Variants in LHFPL2 observed in about 807,000 individuals in gnomAD.
The protein encoded by LHFPL2 is LHFPL tetraspan subfamily member 2, also known as LHFPL tetraspan subfamily member 2 protein.
Under a neutral mutation model 17.5 loss-of-function variants are expected in LHFPL2, and 7 were observed. That is an observed-to-expected ratio of 0.40 (90% CI 0.23 to 0.75). LHFPL2 has a LOEUF of 0.75. Ranked by LOEUF, LHFPL2 falls within the 30% of genes least tolerant of loss-of-function variation. The pLI is 0.37. For missense variants in LHFPL2, 241 were observed against 294.8 expected (o/e 0.82, Z 1.34); for synonymous variants, 134 against 116.2 (o/e 1.15, Z -0.99).
intron 2 of LHFPL2, among the ~76,000 whole-genome samples, chr5:78,623,329 G>C (rs1744924251): frequency 6.6e-6 from 1 of 152,136 alleles, no homozygotes; most frequent in Admixed American, 6.5e-5. Context: ...TCATTTTATA[G>C]CAAGTTGAAA....
At chr5:78,586,456 G>GT (rs1380031553) in intron 2 of LHFPL2, among the ~76,000 whole-genome samples, 2 of 152,320 alleles carry the variant, frequency 1.3e-5, no homozygotes, top group East Asian at 3.9e-4. Flanking sequence ...CATAACTGCA[G>GT]TAAGTGAAGC....
chr5:78,608,503 G>C (rs1418890235), intron 2 of LHFPL2, among the ~76,000 whole-genome samples: 1 of 151,640 alleles, frequency 6.6e-6, no homozygotes, highest in Non-Finnish European at 1.5e-5. Flanking sequence ...AATACAATCA[G>C]GCTATACAGT....
intron 2 of LHFPL2, among the ~76,000 whole-genome samples, chr5:78,576,380 A>G: frequency 6.6e-6 from 1 of 152,240 alleles, no homozygotes; most frequent in East Asian, 1.9e-4. Flanking sequence ...GAAAAAGTAA[A>G]TAAATACGTA....
At position 78,607,627 on chromosome 5, in the gene LHFPL2, C is replaced by G. The variant is rs549007459; in HGVS notation, c.-245+24637G>C. Among the ~76,000 whole-genome samples, 43 of 152,334 alleles carry G rather than the reference C, an allele frequency of 2.8e-4. No homozygotes were observed. The East Asian group carries it at 7.3e-3, about 26-fold the overall frequency. On this transcript the variant is annotated intron_variant, in intron 2 of 4. Transcript: ENST00000380345. ...TATCCTAGACTAGCCTCTTCACTAGCTGGCTCTTCCCTGTAGTTACTGACC... is the reference window on the plus strand; with the variant it reads ...TATCCTAGACTAGCCTCTTCACTAGGTGGCTCTTCCCTGTAGTTACTGACC...
chr5:78,560,939 A>C (rs1288903316), intron 3 of LHFPL2, among the ~76,000 whole-genome samples: 5 of 152,216 alleles, frequency 3.3e-5, no homozygotes, highest in African/African-American at 1.2e-4. Flanking sequence ...GTATTAATTA[A>C]AATTTTTAGT....
intron 3 of LHFPL2, among the ~76,000 whole-genome samples, chr5:78,516,615 A>G (rs999224671): frequency 5.3e-5 from 8 of 152,348 alleles, no homozygotes; most frequent in South Asian, 2.1e-4. Flanking sequence ...GATGATTTTT[A>G]AGATCTATTT....
intron 2 of LHFPL2, among the ~76,000 whole-genome samples, chr5:78,623,568 C>CTCT: frequency 6.6e-6 from 1 of 152,328 alleles, no homozygotes; most frequent in African/African-American, 2.4e-5. Flanking sequence ...AATGCTGAAA[C>CTCT]TCTTCTGCAC....
At chr5:78,519,754 A>G (rs1410424930) in intron 3 of LHFPL2, among the ~76,000 whole-genome samples, 1 of 152,276 alleles carries the variant, frequency 6.6e-6, no homozygotes, top group Non-Finnish European at 1.5e-5. Context: ...AACAGGATCC[A>G]GCCTCCCCGT....
intron 3 of LHFPL2, among the ~76,000 whole-genome samples, chr5:78,530,380 T>C (rs2112356752): frequency 6.6e-6 from 1 of 152,350 alleles, no homozygotes; most frequent in East Asian, 1.9e-4. Context: ...TGTAGAAGCA[T>C]AACCACTAAG....
At chr5:78,535,503 C>T (rs550074534) in intron 3 of LHFPL2, among the ~76,000 whole-genome samples, 1 of 152,188 alleles carries the variant, frequency 6.6e-6, no homozygotes, top group African/African-American at 2.4e-5. Context: ...CCCTCTCCCA[C>T]CAGAGCCACA....
intron 2 of LHFPL2, among the ~76,000 whole-genome samples, chr5:78,630,925 G>T (rs1029196474): frequency 1.3e-5 from 2 of 152,144 alleles, no homozygotes; most frequent in African/African-American, 4.8e-5. Flanking sequence ...CTCCTGAAAG[G>T]ACTCAACTCT....
At chr5:78,539,910 T>C (rs984763452) in intron 3 of LHFPL2, among the ~76,000 whole-genome samples, 2 of 151,480 alleles carry the variant, frequency 1.3e-5, no homozygotes, top group African/African-American at 4.8e-5. Context: ...CACACAAATC[T>C]CTCCCTTCTC....
chr5:78,513,557 T>C (rs966172585), intron 3 of LHFPL2, among the ~76,000 whole-genome samples: 1 of 152,182 alleles, frequency 6.6e-6, no homozygotes, highest in Non-Finnish European at 1.5e-5. Flanking sequence ...GGTGGTGATA[T>C]GGTTTAGCTG....
At chr5:78,608,571 G>A (rs1195343055) in intron 2 of LHFPL2, among the ~76,000 whole-genome samples, 2 of 144,066 alleles carry the variant, frequency 1.4e-5, no homozygotes, top group East Asian at 2.0e-4. Context: ...CCTAATTAGC[G>A]ATCTAAATTC....
intron 1 of LHFPL2, among the ~76,000 whole-genome samples, chr5:78,646,434 C>T (rs1745882004): frequency 6.6e-6 from 1 of 152,194 alleles, no homozygotes; most frequent in Admixed American, 6.5e-5. Flanking sequence ...ATCCTAAGTC[C>T]TGCACAAAAG....
intron 2 of LHFPL2, among the ~76,000 whole-genome samples, chr5:78,571,286 C>T (rs1015498083): frequency 1.1e-4 from 17 of 152,202 alleles, no homozygotes; most frequent in African/African-American, 4.1e-4. Context: ...GATTTGAGGC[C>T]CAGGGCATCT....
Position 78,486,651 on chromosome 5 carries a change from T to G in LHFPL2, c.*2246A>C, listed in dbSNP as rs1313637094. ...GTGTGTGTGCATGCCTGTGCTTTTG[T>G]CTTCTGTTGCATTCAGATTAATAAC... On this transcript the variant is annotated 3_prime_UTR_variant, in exon 5 of 5. Coordinates refer to ENST00000380345, the MANE Select transcript of LHFPL2 (RefSeq NM_005779.3). The G allele has an allele frequency of 6.6e-6, 1 of 152,306 alleles. No homozygotes were observed. Among genetic ancestry groups the G allele is most frequent in the African/African-American group, 2.4e-5 (1 of 41,450 alleles). The allele number at this position is 152,306 out of a possible 1,614,324, so 9.4% of individuals were successfully genotyped here.
chr5:78,494,580 T>C, intron 4 of LHFPL2: 1 of 928,304 alleles, frequency 1.1e-6, no homozygotes, highest in Non-Finnish European at 1.3e-6. Flanking sequence ...TCACTTGGAC[T>C]GCCCAACAGG....
Position 78,533,953 on chromosome 5 carries a change from CAG to C in LHFPL2, c.-185-23557_-185-23556del, listed in dbSNP as rs372415756. 5.9e-5 allele frequency among the ~76,000 whole-genome samples: 9 copies of C among 152,368 alleles called. 3 individuals carry two copies. Among genetic ancestry groups the C allele is most frequent in the African/African-American group, 1.9e-4 (8 of 41,586 alleles). On this transcript the variant is annotated intron_variant, in intron 3 of 4. Transcript: ENST00000380345. ...AGGCCTGAGCCCTCCTGCAGCCCAG[CAG>C]AGATGCCAAATGCTCCAGGGAGGAG...
Sources: allele counts gnomAD v4.1 joint callset (sites outside exome capture counted in the v4.1 genomes callset), GRCh38; gene constraint gnomAD v4.1.1; transcripts MANE v1.5; gene names NCBI Gene and HGNC (gene_info 2026-07-23, HGNC 2026-07-21).